The following TMEM86A variants were observed in gnomAD, a reference collection of about 807,000 sequenced individuals.
TMEM86A encodes transmembrane protein 86A, also known as lysoplasmalogenase TMEM86A.
A neutral mutation model predicts 19.8 loss-of-function variants in TMEM86A; 13 were observed. The ratio of observed to expected loss-of-function variants is 0.66; its 90% confidence interval spans 0.43 to 1.04. TMEM86A has a LOEUF of 1.04. Among genes scored for constraint, TMEM86A ranks in the 50% least tolerant of loss-of-function variants. TMEM86A has a pLI of 0.00. For missense variants in TMEM86A, 248 were observed against 306.8 expected, an observed-to-expected ratio of 0.81 and a Z score of 1.43; for synonymous variants, 128 against 129.9, an observed-to-expected ratio of 0.99 and a Z score of 0.10.
In TMEM86A at chr11:18,704,442, TCCTGATG is replaced by T. The variant is rs1281133846; in HGVS notation, c.*2438_*2444del. 1.1e-5 allele frequency: 16 copies of T among 1,513,578 alleles called. 1 individual carries two copies. The highest frequency in any genetic ancestry group is 1.7e-4 in the Middle Eastern group (1 of 5,942). 93.8% of individuals were successfully genotyped at this position (1,513,578 alleles called of 1,614,324 possible). Reference sequence around the variant, plus strand: ...CAAGAAACTCCACATCATAACAGCCTCCTGATGCCTGGGCTTGGCTGGAGCTCACATG... The same window carrying T: ...CAAGAAACTCCACATCATAACAGCCTCCTGGGCTTGGCTGGAGCTCACATG... On this transcript the variant is annotated 3_prime_UTR_variant, in exon 3 of 3. Transcript: ENST00000280734.
At position 18,701,094 on chromosome 11, in the gene TMEM86A, C is replaced by G; in HGVS notation, c.183C>G (p.Phe61Leu). The change falls in exon 2 of 3, where the codon TTC becomes TTG. Residue 61 changes from phenylalanine to leucine, a missense_variant. Coordinates refer to ENST00000280734, the MANE Select transcript of TMEM86A (RefSeq NM_153347.3). The surrounding 1 kb of genome is among the most constrained non-coding windows in gnomAD (Gnocchi z 5.3). Reference protein sequence around the residue: ...WLFLLAHGLGFLLAHPSATRI... With the variant: ...WLFLLAHGLGLLLAHPSATRI... Reference sequence around the variant, plus strand: ...TCCTTCTGGCCCATGGCCTGGGATTCCTGCTGGCCCACCCCAGCGCCACCC... The same window carrying G: ...TCCTTCTGGCCCATGGCCTGGGATTGCTGCTGGCCCACCCCAGCGCCACCC... The G allele has an allele frequency of 6.2e-7, 1 of 1,614,172 alleles. No homozygotes were observed. Among genetic ancestry groups the G allele is most frequent in the Non-Finnish European group, 8.5e-7 (1 of 1,180,038 alleles).
Position 18,702,305 on chromosome 11 carries a change from T to C in TMEM86A, c.*296T>C. 2.3e-6 allele frequency: 1 copy of C among 437,138 alleles called. No homozygotes were observed. The highest frequency in any genetic ancestry group is 4.2e-6 in the Non-Finnish European group (1 of 236,752). The allele number at this position is 437,138 out of a possible 1,614,324, so 27.1% of individuals were successfully genotyped here. A position where few individuals can be genotyped will look rare whatever the true frequency, so the allele number is the denominator to read the frequency against. ...AAACCCCCCTGGAAGGTGATGGTGC[T>C]CAGCTTCTTGACACCCCCCCACCCA... On this transcript the variant is annotated 3_prime_UTR_variant, in exon 3 of 3. Transcript: ENST00000280734.
At position 18,702,323 on chromosome 11, in the gene TMEM86A, C is replaced by T. The variant is rs1220898089; in HGVS notation, c.*314C>T. 2.4e-6 allele frequency: 1 copy of T among 409,994 alleles called. No homozygotes were observed. The highest frequency in any genetic ancestry group is 3.6e-5 in the Admixed American group (1 of 27,824). The allele number at this position is 409,994 out of a possible 1,614,324, so 25.4% of individuals were successfully genotyped here. ...ATGGTGCTCAGCTTCTTGACACCCC[C>T]CCACCCACTTCCCCTACCAGGTGGA... On this transcript the variant is annotated 3_prime_UTR_variant, in exon 3 of 3. Coordinates refer to ENST00000280734, the MANE Select transcript of TMEM86A (RefSeq NM_153347.3).
Position 18,701,795 on chromosome 11 carries a change from C to T in TMEM86A, c.509C>T (p.Ala170Val), listed in dbSNP as rs948736248. 6 of 1,613,990 alleles carry T rather than the reference C, an allele frequency of 3.7e-6. No individual in the cohort carries two copies. The African/African-American group carries it at 6.7e-5, about 18-fold the overall frequency. ...ATGGCAGGGCTGCGGCTGGCCGGGG[C>T]AGACTGGCGCTGGACAGAGCTGGCA... is the stretch of plus-strand genomic sequence containing the variant. Reference protein sequence around the residue: ...RAMAGLRLAGADWRWTELAAG... With the variant: ...RAMAGLRLAGVDWRWTELAAG... The change falls in exon 3 of 3, where the codon GCA becomes GTA. Residue 170 changes from alanine to valine, a missense_variant. By Grantham distance (64) the Ala-to-Val change is moderately conservative. Coordinates refer to ENST00000280734, the MANE Select transcript of TMEM86A (RefSeq NM_153347.3). This position sits in a 1 kb window ranked among gnomAD's most constrained non-coding sequence, Gnocchi z 5.3.
chr11:18,701,308 G>T lies in TMEM86A; in HGVS notation c.286+111G>T, dbSNP rs1414483864. ...GAGTTCTTGAACCAGAGTGTGGGGAGCCTGAGGGTTTCTGAGGCCAGGGAC... is the reference window on the plus strand; with the variant it reads ...GAGTTCTTGAACCAGAGTGTGGGGATCCTGAGGGTTTCTGAGGCCAGGGAC... On this transcript the variant is annotated intron_variant, in intron 2 of 2. Transcript: ENST00000280734. This position sits in a 1 kb window ranked among gnomAD's most constrained non-coding sequence, Gnocchi z 5.3. The T allele has an allele frequency of 1.2e-5, 17 of 1,440,028 alleles. No individual in the cohort carries two copies. The highest frequency in any genetic ancestry group is 1.4e-5 in the Non-Finnish European group (15 of 1,069,728). The allele number at this position is 1,440,028 out of a possible 1,614,324, so 89.2% of individuals were successfully genotyped here. A position where few individuals can be genotyped will look rare whatever the true frequency, so the allele number is the denominator to read the frequency against.
intron 1 of TMEM86A, 93 bp from the exon 2 acceptor site, chr11:18,700,840 G>A: frequency 1.3e-6 from 2 of 1,525,150 alleles, no homozygotes; most frequent in Non-Finnish European, 8.9e-7. Flanking sequence ...GTGGGGGTAT[G>A]GATGGGAGTG....
chr11:18,701,040 G>A lies in TMEM86A; in HGVS notation c.129G>A (p.Lys43=), dbSNP rs1590428383. ...SSPSWVSTLI[K]CLPIFCLWLF... is the part of the protein sequence containing the mutation. ...CATCGTGGGTCAGCACCCTCATCAA[G>A]TGCCTGCCTATCTTCTGCCTCTGGC... The change falls in exon 2 of 3, where the codon AAG becomes AAA. Residue 43 remains lysine, a synonymous_variant. Transcript: ENST00000280734. The surrounding 1 kb of genome is among the most constrained non-coding windows in gnomAD (Gnocchi z 5.3). The A allele has an allele frequency of 2.5e-6, 4 of 1,614,178 alleles. No individual in the cohort carries two copies. The highest frequency in any genetic ancestry group is 3.4e-6 in the Non-Finnish European group (4 of 1,180,044).
chr11:18,702,255 C>A lies in TMEM86A; in HGVS notation c.*246C>A. 1 of 557,182 alleles carries A rather than the reference C, an allele frequency of 1.8e-6. No homozygotes were observed. Among genetic ancestry groups the A allele is most frequent in the Non-Finnish European group, 3.2e-6 (1 of 310,796 alleles). 34.5% of individuals were successfully genotyped at this position (557,182 alleles called of 1,614,324 possible). ...CTGGAGCCAGAAGTAGACATCTCCC[C>A]ACCTCTACCCTATCAGGACTTTCAA... On this transcript the variant is annotated 3_prime_UTR_variant, in exon 3 of 3. Coordinates refer to ENST00000280734, the MANE Select transcript of TMEM86A (RefSeq NM_153347.3).
Position 18,699,112 on chromosome 11 carries a change from G to T in TMEM86A, c.21+205G>T, listed in dbSNP as rs959229218. The stretch of plus-strand genomic sequence containing the variant: ...GCCCCTCCTCGCGCGCCCCCAGCCC[G>T]CCCGCGGAGGGAGGAAAACACTGGC... On this transcript the variant is annotated intron_variant, in intron 1 of 2. Transcript: ENST00000280734. The surrounding 1 kb of genome is among the most constrained non-coding windows in gnomAD (Gnocchi z 4.0). 6.6e-6 allele frequency among the ~76,000 whole-genome samples: 1 copy of T among 152,120 alleles called. No homozygotes were observed. Among genetic ancestry groups the T allele is most frequent in the Non-Finnish European group, 1.5e-5 (1 of 67,986 alleles).
At position 18,699,005 on chromosome 11, in the gene TMEM86A, C is replaced by G. The variant is rs958559456; in HGVS notation, c.21+98C>G. The G allele has an allele frequency of 5.0e-6, 2 of 399,138 alleles. No individual in the cohort carries two copies. The highest frequency in any genetic ancestry group is 3.8e-5 in the East Asian group (1 of 26,530). 24.7% of individuals were successfully genotyped at this position (399,138 alleles called of 1,614,324 possible). A position where few individuals can be genotyped will look rare whatever the true frequency, so the allele number is the denominator to read the frequency against. On this transcript the variant is annotated intron_variant, in intron 1 of 2. Coordinates refer to ENST00000280734, the MANE Select transcript of TMEM86A (RefSeq NM_153347.3). The surrounding 1 kb of genome is among the most constrained non-coding windows in gnomAD (Gnocchi z 4.0). The stretch of plus-strand genomic sequence containing the variant: ...GGCCGAGCTGCCGAAGGGGCCGAGG[C>G]GGGGCGGGGGTCCCGTGGCGGCCGG...
Position 18,704,321 on chromosome 11 carries a change from T to G in TMEM86A, c.*2312T>G. The G allele has an allele frequency of 1.6e-6, 1 of 640,834 alleles. No homozygotes were observed. Among genetic ancestry groups the G allele is most frequent in the Non-Finnish European group, 2.8e-6 (1 of 352,428 alleles). The allele number at this position is 640,834 out of a possible 1,614,324, so 39.7% of individuals were successfully genotyped here. On this transcript the variant is annotated 3_prime_UTR_variant, in exon 3 of 3. Coordinates refer to ENST00000280734, the MANE Select transcript of TMEM86A (RefSeq NM_153347.3). ...ACCCTCAGGAACGGGAAAGGATGAG[T>G]TACGTTTATTGCCCCATCCCTTCAC...
chr11:18,700,545 C>T (rs922481156), intron 1 of TMEM86A: 22 of 249,736 alleles, frequency 8.8e-5, no homozygotes, highest in Admixed American at 2.5e-4. Context: ...CTGAGGATCA[C>T]GAGTTGGCCA....
Position 18,701,705 on chromosome 11 carries a change from C to T in TMEM86A, c.419C>T (p.Ser140Leu). ...TATGCCCTCCTCTACCCATGCCTCT[C>T]AGGTGCCTTCACCTACCTGGTGGGG... ...LCYALLYPCL[S>L]GAFTYLVGVY... Residue 140 changes from serine (S) to leucine (L), a missense_variant, in exon 3 of 3, where the codon TCA (serine) becomes TTA (leucine). Ser to Leu is a moderately radical substitution (Grantham distance 145). Transcript: ENST00000280734. The surrounding 1 kb of genome is among the most constrained non-coding windows in gnomAD (Gnocchi z 5.3). 1 of 1,614,154 alleles carries T rather than the reference C, an allele frequency of 6.2e-7. No individual in the cohort carries two copies. The highest frequency in any genetic ancestry group is 8.5e-7 in the Non-Finnish European group (1 of 1,180,028).
Position 18,700,696 on chromosome 11 carries a change from C to T in TMEM86A, c.22-237C>T, listed in dbSNP as rs967477682. ...GGCAGGAAGGGAGAAGCACACTAGG[C>T]TGCAGAAGGGTGCCCCTCCTAATAT... On this transcript the variant is annotated intron_variant, in intron 1 of 2. Transcript: ENST00000280734. The T allele has an allele frequency of 3.5e-5, 21 of 594,860 alleles. No homozygotes were observed. In the African/African-American group the frequency reaches 3.5e-4, roughly 10 times the overall value. 36.8% of individuals were successfully genotyped at this position (594,860 alleles called of 1,614,324 possible).
At position 18,698,879 on chromosome 11, in the gene TMEM86A, C is replaced by T. The variant is rs1414394624; in HGVS notation, c.-8C>T. ...CGGAGCAGGGTGCCAGCCGCCGCCG[C>T]CGCCGCCATGGTGTCCCCGGTCACT... On this transcript the variant is annotated 5_prime_UTR_variant, in exon 1 of 3. Coordinates refer to ENST00000280734, the MANE Select transcript of TMEM86A (RefSeq NM_153347.3). 1.5e-6 allele frequency: 1 copy of T among 678,788 alleles called. No homozygotes were observed. The highest frequency in any genetic ancestry group is 2.6e-6 in the Non-Finnish European group (1 of 379,428). The allele number at this position is 678,788 out of a possible 1,614,324, so 42.0% of individuals were successfully genotyped here.
chr11:18,701,086 C>G lies in TMEM86A; in HGVS notation c.175C>G (p.Leu59Val), dbSNP rs1234685580. 1.9e-6 allele frequency: 3 copies of G among 1,614,156 alleles called. No homozygotes were observed. The highest frequency in any genetic ancestry group is 3.3e-5 in the Admixed American group (2 of 60,030). Residue 59 changes from leucine to valine, a missense_variant, in exon 2 of 3, where the codon CTG becomes GTG. Transcript: ENST00000280734. This position sits in a 1 kb window ranked among gnomAD's most constrained non-coding sequence, Gnocchi z 5.3. ...CTGGCTCTTCCTTCTGGCCCATGGC[C>G]TGGGATTCCTGCTGGCCCACCCCAG... ...CLWLFLLAHG[L>V]GFLLAHPSAT...
At position 18,701,737 on chromosome 11, in the gene TMEM86A, G is replaced by A. The variant is rs772743402; in HGVS notation, c.451G>A (p.Val151Met). Reference protein sequence around the residue: ...GAFTYLVGVYVALIGFMGWRA... With the variant: ...GAFTYLVGVYMALIGFMGWRA... ...CTTCACCTACCTGGTGGGGGTCTAT[G>A]TGGCCCTTATCGGCTTCATGGGCTG... is the stretch of plus-strand genomic sequence containing the variant. The change falls in exon 3 of 3, where the codon GTG (valine) becomes ATG (methionine). Residue 151 changes from valine to methionine, a missense_variant. Val to Met is a conservative substitution (Grantham distance 21, BLOSUM62 1). Transcript: ENST00000280734. This position sits in a 1 kb window ranked among gnomAD's most constrained non-coding sequence, Gnocchi z 5.3. 7.4e-6 allele frequency: 12 copies of A among 1,614,038 alleles called. No homozygotes were observed. Among genetic ancestry groups the A allele is most frequent in the Non-Finnish European group, 1.0e-5 (12 of 1,180,040 alleles).
At chr11:18,700,647 G>A (rs2134149463) in intron 1 of TMEM86A, 1 of 513,962 alleles carries the variant, frequency 1.9e-6, no homozygotes, top group South Asian at 2.6e-5. Context: ...GGGCTAAAGG[G>A]GCCCTGAGGA....
At position 18,704,758 on chromosome 11, in the gene TMEM86A, A is replaced by G; in HGVS notation, c.*2749A>G. Reference sequence around the variant, plus strand: ...GTGTACTGTCTCATTTAAGCCTCATAGTCCTATAAAGAAGATGAGAAAACA... The same window carrying G: ...GTGTACTGTCTCATTTAAGCCTCATGGTCCTATAAAGAAGATGAGAAAACA... On this transcript the variant is annotated 3_prime_UTR_variant, in exon 3 of 3. Coordinates refer to ENST00000280734, the MANE Select transcript of TMEM86A (RefSeq NM_153347.3). The G allele has an allele frequency of 1.9e-6, 1 of 516,966 alleles. No homozygotes were observed. Among genetic ancestry groups the G allele is most frequent in the East Asian group, 3.4e-5 (1 of 29,536 alleles). 32.0% of individuals were successfully genotyped at this position (516,966 alleles called of 1,614,324 possible).
Sources: allele counts gnomAD v4.1 joint callset (sites outside exome capture counted in the v4.1 genomes callset), GRCh38; gene constraint gnomAD v4.1.1; non-coding constraint Gnocchi (gnomAD v3.1); transcripts MANE v1.5; gene names NCBI Gene and HGNC (gene_info 2026-07-23, HGNC 2026-07-21).